Variants in DCAF1 observed in about 807,000 individuals in gnomAD.
DCAF1 encodes DDB1 and CUL4 associated factor 1, also known as DDB1- and CUL4-associated factor 1.
A neutral mutation model predicts 128.0 loss-of-function variants in DCAF1; 15 were observed. The observed-to-expected ratio is 0.12, with a 90% CI of 0.08 to 0.18. DCAF1 has a LOEUF of 0.18. DCAF1 is among the 10% of genes least tolerant of loss of function. The pLI, the probability that DCAF1 is intolerant of heterozygous loss-of-function variation, is 1.00. For synonymous variants in DCAF1, 610 were observed against 603.0 expected, an observed-to-expected ratio of 1.01 and a Z score of -0.17; for missense variants, 988 against 1,649.5, an observed-to-expected ratio of 0.60 and a Z score of 6.95.
intron 6 of DCAF1, among the ~76,000 whole-genome samples, chr3:51,457,377 G>C (rs1011778942): frequency 8.5e-5 from 13 of 152,130 alleles, no homozygotes; most frequent in African/African-American, 2.9e-4. Context: ...AGAATAAAAA[G>C]AAACGAACAA....
intron 6 of DCAF1, among the ~76,000 whole-genome samples, chr3:51,449,291 T>A (rs1266275230): frequency 6.6e-6 from 1 of 152,214 alleles, no homozygotes; most frequent in Non-Finnish European, 1.5e-5. Flanking sequence ...CACTGCCACC[T>A]CTGCCTCCTG....
Position 51,486,679 on chromosome 3 carries a change from G to T in DCAF1, c.-8-2843C>A, listed in dbSNP as rs1230402374. Among the ~76,000 whole-genome samples the T allele has an allele frequency of 2.0e-5, 3 of 152,168 alleles. No homozygotes were observed. The East Asian group carries it at 5.8e-4, about 29-fold the overall frequency. On this transcript the variant is annotated intron_variant, in intron 2 of 24. Coordinates refer to ENST00000684031, the MANE Select transcript of DCAF1 (RefSeq NM_001387579.1). ...GATGGCATCTTGCTCTGTCACCCAG[G>T]CTGGAGTGCAGTGGCACGATCTCGG...
chr3:51,470,333 G>C (rs562049102), intron 4 of DCAF1, among the ~76,000 whole-genome samples: 12 of 152,286 alleles, frequency 7.9e-5, no homozygotes, highest in African/African-American at 2.9e-4. Flanking sequence ...GGCCCAGGCG[G>C]GAGGATAGCT....
chr3:51,481,991 C>A (rs1234738530), intron 3 of DCAF1, among the ~76,000 whole-genome samples: 3 of 151,842 alleles, frequency 2.0e-5, no homozygotes, highest in Non-Finnish European at 2.9e-5. Context: ...ACTCCATCCC[C>A]CCAAAAAATA....
chr3:51,435,065 G>A (rs1700691735), intron 9 of DCAF1, among the ~76,000 whole-genome samples: 1 of 152,166 alleles, frequency 6.6e-6, no homozygotes, highest in Non-Finnish European at 1.5e-5. Context: ...TCAATAACCA[G>A]GCTCAGGCTA....
chr3:51,490,810 C>T (rs751087189), intron 2 of DCAF1, among the ~76,000 whole-genome samples: 70 of 151,946 alleles, frequency 4.6e-4, no homozygotes, highest in African/African-American at 1.1e-3. Context: ...CCTGTAATCC[C>T]GGCTATCTGG....
rs782728501 is a variant in DCAF1 at position 51,427,476 on chromosome 3, C to T, written c.1743G>A (p.Ala581=). Residue 581 remains alanine, a synonymous_variant, in exon 13 of 25, where the codon GCG becomes GCA. Transcript: ENST00000684031. ...CTTCAGCTGGTTCCCAATATAGCTG[C>T]GCTGGGCCATATTCTATCAAAAATT... ...MMEFLIEYGP[A]QLYWEPAEVF... is the part of the protein sequence containing the mutation. 10 of 779,352 alleles carry T rather than the reference C, an allele frequency of 1.3e-5. No individual in the cohort carries two copies. The highest frequency in any genetic ancestry group is 2.3e-4 in the Middle Eastern group (1 of 4,440). The allele number at this position is 779,352 out of a possible 1,614,324, so 48.3% of individuals were successfully genotyped here.
At chr3:51,412,828 T>C (rs978496303) in intron 22 of DCAF1, among the ~76,000 whole-genome samples, 165 bp downstream of exon 22, 9 of 152,218 alleles carry the variant, frequency 5.9e-5, no homozygotes, top group Non-Finnish European at 1.5e-5. Context: ...TTTCTCTTTG[T>C]ACTGTACATC....
Position 51,420,990 on chromosome 3 carries a change from G to A in DCAF1, c.1980C>T (p.Ser660=). 12 of 1,608,714 alleles carry A rather than the reference G, an allele frequency of 7.5e-6. No individual in the cohort carries two copies. Among genetic ancestry groups the A allele is most frequent in the Non-Finnish European group, 1.0e-5 (12 of 1,176,524 alleles). ...CACCCTCAGCCACTCCCAAAATAAT[G>A]CTGATACCTAATGGGAAAAAAAATT... ...AGSTVSTVGI[S]IILGVAEGEF... The change falls in exon 15 of 25, where the codon AGC becomes AGT. Residue 660 remains serine (S), a synonymous_variant. Transcript: ENST00000684031. The surrounding 1 kb of genome is among the most constrained non-coding windows in gnomAD (Gnocchi z 6.5).
At chr3:51,457,170 A>C (rs1405301093) in intron 6 of DCAF1, among the ~76,000 whole-genome samples, 2 of 152,166 alleles carry the variant, frequency 1.3e-5, no homozygotes, top group African/African-American at 2.4e-5. Flanking sequence ...TTTGAAAAAA[A>C]ATTAGACAAA....
intron 23 of DCAF1, among the ~76,000 whole-genome samples, chr3:51,406,817 C>T (rs2090148627): frequency 6.6e-6 from 1 of 152,184 alleles, no homozygotes; most frequent in South Asian, 2.1e-4. Flanking sequence ...CACCTTCACA[C>T]TGGCTTCTCA....
intron 9 of DCAF1, among the ~76,000 whole-genome samples, chr3:51,437,060 C>T (rs1015506580): frequency 1.3e-5 from 2 of 151,454 alleles, no homozygotes; most frequent in Non-Finnish European, 2.9e-5. Flanking sequence ...GTCAGGAGTT[C>T]GAGACCAGCC....
intron 6 of DCAF1, among the ~76,000 whole-genome samples, chr3:51,462,363 G>A (rs74485085): frequency 0.016 from 2,475 of 152,184 alleles, 70 homozygotes; most frequent in African/African-American, 0.057. Flanking sequence ...AAGTTGCAGT[G>A]AGCTGAGACT....
intron 3 of DCAF1, among the ~76,000 whole-genome samples, chr3:51,478,362 T>C (rs1705737358): frequency 6.6e-6 from 1 of 152,102 alleles, no homozygotes; most frequent in Admixed American, 6.6e-5. Flanking sequence ...CCCCCCTCTA[T>C]TTTAGGCTTT....
At position 51,412,372 on chromosome 3, in the gene DCAF1, C is replaced by T. The variant is rs782170303; in HGVS notation, c.4212+7G>A. 1 of 1,613,720 alleles carries T rather than the reference C, an allele frequency of 6.2e-7. No homozygotes were observed. On this transcript the variant is annotated splice_region_variant and intron_variant, in intron 23 of 24. Coordinates refer to ENST00000684031, the MANE Select transcript of DCAF1 (RefSeq NM_001387579.1). ...TTCAGCAGAAAGAAATCTCAAAGAC[C>T]ACTGACCTGGTCCTCCTCTTCATCC... is the stretch of plus-strand genomic sequence containing the variant.
chr3:51,477,669 C>T (rs1385394513), intron 3 of DCAF1, among the ~76,000 whole-genome samples: 4 of 152,006 alleles, frequency 2.6e-5, no homozygotes, highest in Non-Finnish European at 5.9e-5. Flanking sequence ...GTTTCCACTG[C>T]CTCGCTATGC....
intron 6 of DCAF1, among the ~76,000 whole-genome samples, chr3:51,456,048 AGACAGTAGGTGCAG>A (rs1702867186): frequency 6.6e-6 from 1 of 152,216 alleles, no homozygotes; most frequent in African/African-American, 2.4e-5. Flanking sequence ...GGGGAGTGCC[AGACAGTAGGTGCAG>A]GACAGTGGGT....
intron 1 of DCAF1, among the ~76,000 whole-genome samples, chr3:51,497,907 G>A (rs990586501): frequency 1.2e-4 from 18 of 151,632 alleles, no homozygotes; most frequent in Admixed American, 9.9e-4. Context: ...AAAATTAGCC[G>A]GGCGTGGTGG....
chr3:51,409,367 G>A (rs192329484), intron 23 of DCAF1, among the ~76,000 whole-genome samples: 2 of 152,164 alleles, frequency 1.3e-5, no homozygotes, highest in African/African-American at 2.4e-5. Context: ...CAACTCCCAA[G>A]GTGTCTAGGG....
Sources: gnomAD v4.1 joint callset for allele counts (sites outside exome capture counted in the v4.1 genomes callset) on GRCh38, gnomAD v4.1.1 for gene constraint, Gnocchi (gnomAD v3.1) non-coding constraint, MANE v1.5 for transcripts, NCBI Gene and HGNC (gene_info 2026-07-23, HGNC 2026-07-21) for gene names.